Variants in FILIP1 observed in about 807,000 individuals in gnomAD.
FILIP1 encodes filamin A interacting protein 1, also known as filamin-A-interacting protein 1.
A neutral mutation model predicts 102.1 loss-of-function variants in FILIP1; 61 were observed. The observed-to-expected ratio is 0.60, with a 90% CI of 0.49 to 0.74. FILIP1 has a LOEUF of 0.74. Among genes scored for constraint, FILIP1 ranks in the 30% least tolerant of loss-of-function variants. The pLI is 0.00. For missense variants in FILIP1, 1,314 were observed against 1,441.2 expected, an observed-to-expected ratio of 0.91 and a Z score of 1.43; for synonymous variants, 491 against 526.9, an observed-to-expected ratio of 0.93 and a Z score of 0.93.
At chr6:75,348,177 G>A (rs1332793295) in intron 4 of FILIP1, among the ~76,000 whole-genome samples, 2 of 151,912 alleles carry the variant, frequency 1.3e-5, no homozygotes, top group African/African-American at 4.8e-5. Context: ...TCTTGGAGCA[G>A]CCCTAGTGAA....
At chr6:75,303,005 C>A (rs1772885458) in intron 6 of FILIP1, among the ~76,000 whole-genome samples, 1 of 151,924 alleles carries the variant, frequency 6.6e-6, no homozygotes, top group Non-Finnish European at 1.5e-5. Flanking sequence ...TCAATTTAGG[C>A]CATGGTAGGG....
intron 1 of FILIP1, among the ~76,000 whole-genome samples, chr6:75,429,802 T>G (rs1777764430): frequency 6.6e-6 from 1 of 152,208 alleles, no homozygotes; most frequent in South Asian, 2.1e-4. Context: ...GATCTTTTAC[T>G]GTTACACCCC....
At chr6:75,386,217 T>A (rs1291048278) in intron 2 of FILIP1, 1 of 152,120 alleles carries the variant, frequency 6.6e-6, no homozygotes, top group East Asian at 1.9e-4. Context: ...TGCTTCATCA[T>A]CTCCAAGCAA....
intron 1 of FILIP1, chr6:75,458,329 T>C (rs1778911652): frequency 6.6e-6 from 1 of 152,176 alleles, no homozygotes; most frequent in South Asian, 2.1e-4. Context: ...GTCAATAATG[T>C]TGAAATTGAG....
chr6:75,444,350 G>A (rs893583521), intron 1 of FILIP1, among the ~76,000 whole-genome samples: 16 of 152,132 alleles, frequency 1.1e-4, no homozygotes, highest in Non-Finnish European at 2.1e-4. Context: ...TACTTGATGT[G>A]CGTACATAGT....
intron 4 of FILIP1, among the ~76,000 whole-genome samples, chr6:75,328,039 AC>A (rs1456853043): frequency 6.6e-6 from 1 of 152,218 alleles, no homozygotes; most frequent in Non-Finnish European, 1.5e-5. Flanking sequence ...GTGGGCAACT[AC>A]ATAGGATAAA....
intron 1 of FILIP1, among the ~76,000 whole-genome samples, chr6:75,442,465 T>A (rs576863801): frequency 1.5e-4 from 23 of 152,066 alleles, no homozygotes; most frequent in African/African-American, 5.3e-4. Context: ...CTGGGCACCA[T>A]TGAGCACTGA....
intron 3 of FILIP1, among the ~76,000 whole-genome samples, chr6:75,361,649 C>T (rs542050616): frequency 9.2e-5 from 14 of 152,272 alleles, no homozygotes; most frequent in African/African-American, 3.4e-4. Context: ...GTTTTATAGG[C>T]ACTGCTTTAT....
chr6:75,492,068 T>C (rs1317009015), intron 1 of FILIP1, among the ~76,000 whole-genome samples: 1 of 152,194 alleles, frequency 6.6e-6, no homozygotes, highest in Non-Finnish European at 1.5e-5. Flanking sequence ...CACCAGGAGT[T>C]TCAGTCTCTA....
At chr6:75,298,926 A>T (rs1042455785) in intron 6 of FILIP1, among the ~76,000 whole-genome samples, 1 of 152,164 alleles carries the variant, frequency 6.6e-6, no homozygotes, top group Admixed American at 6.5e-5. Context: ...TCAAAAAAAA[A>T]TATTGCTTTA....
chr6:75,471,508 A>G (rs1044652884), intron 1 of FILIP1, among the ~76,000 whole-genome samples: 12 of 152,204 alleles, frequency 7.9e-5, no homozygotes, highest in African/African-American at 2.4e-4. Flanking sequence ...ATTTAAATAT[A>G]AGTATTGCGC....
intron 1 of FILIP1, among the ~76,000 whole-genome samples, chr6:75,469,947 T>C (rs1405543203): frequency 7.9e-5 from 12 of 151,912 alleles, no homozygotes; most frequent in Admixed American, 7.9e-4. Context: ...TAATAAAGAG[T>C]ATCTACCCCA....
chr6:75,399,449 C>G (rs1200915578), intron 2 of FILIP1: 1 of 152,200 alleles, frequency 6.6e-6, no homozygotes, highest in Non-Finnish European at 1.5e-5. Context: ...CATTATTTTA[C>G]TACCATACAA....
chr6:75,323,741 G>C (rs1773738302), intron 4 of FILIP1, among the ~76,000 whole-genome samples: 1 of 152,146 alleles, frequency 6.6e-6, no homozygotes, highest in African/African-American at 2.4e-5. Flanking sequence ...GAAGTGACAT[G>C]GTTTGGCTCT....
At chr6:75,355,467 T>C (rs1271625224) in intron 3 of FILIP1, among the ~76,000 whole-genome samples, 1 of 144,834 alleles carries the variant, frequency 6.9e-6, no homozygotes, top group Non-Finnish European at 1.5e-5. Context: ...GACCACGACC[T>C]CTCAGCTCAC....
At position 75,310,174 on chromosome 6, in the gene FILIP1, C is replaced by T. The variant is rs1336980633; in HGVS notation, c.3436-1277G>A. Among the ~76,000 whole-genome samples the T allele has an allele frequency of 2.6e-5, 4 of 152,362 alleles. No individual in the cohort carries two copies. The East Asian group carries it at 5.8e-4, about 22-fold the overall frequency. The stretch of plus-strand genomic sequence containing the variant: ...AGCACGCCAGGCTCCTTCACACTGT[C>T]GTGCCTTCGCACATGCTGTTCTGTC... On this transcript the variant is annotated intron_variant, in intron 5 of 5. Transcript: ENST00000237172.
chr6:75,351,236 G>T (rs1263937688), intron 4 of FILIP1, among the ~76,000 whole-genome samples: 1 of 152,054 alleles, frequency 6.6e-6, no homozygotes. Flanking sequence ...GCTAATTTTT[G>T]TATTTTTAGT....
chr6:75,315,243 G>A (rs1201017682), intron 4 of FILIP1, 41 bp from the exon 5 acceptor site: 1 of 1,315,990 alleles, frequency 7.6e-7, no homozygotes, highest in Non-Finnish European at 1.0e-6. Context: ...AGAGTAATCA[G>A]CAAACAGATT....
intron 1 of FILIP1, among the ~76,000 whole-genome samples, chr6:75,486,654 C>A (rs1383550498): frequency 1.3e-5 from 2 of 152,052 alleles, no homozygotes; most frequent in Non-Finnish European, 2.9e-5. Context: ...TTTAAATCTA[C>A]TACTAGGTAA....
Sources: gnomAD v4.1 joint callset for allele counts (sites outside exome capture counted in the v4.1 genomes callset) on GRCh38, gnomAD v4.1.1 for gene constraint, MANE v1.5 for transcripts, NCBI Gene and HGNC (gene_info 2026-07-23, HGNC 2026-07-21) for gene names.